The following NFKBIL1 variants were observed in gnomAD, a reference collection of about 807,000 sequenced individuals.
NFKBIL1 encodes the protein NFKB inhibitor like 1, also known as NF-kappa-B inhibitor-like protein 1.
Under a neutral mutation model 45.4 loss-of-function variants are expected in NFKBIL1, and 30 were observed. The observed-to-expected ratio is 0.66, with a 90% CI of 0.49 to 0.90. The LOEUF is 0.90. Ranked by LOEUF, NFKBIL1 falls within the 40% of genes least tolerant of loss-of-function variation. NFKBIL1 has a pLI of 0.00. For synonymous variants in NFKBIL1, 179 were observed against 197.3 expected, an observed-to-expected ratio of 0.91 and a Z score of 0.78; for missense variants, 434 against 513.4, an observed-to-expected ratio of 0.85 and a Z score of 1.49.
intron 2 of NFKBIL1, among the ~76,000 whole-genome samples, chr6:31,551,293 C>G (rs1265020506): frequency 2.6e-5 from 4 of 151,524 alleles, no homozygotes; most frequent in Non-Finnish European, 4.4e-5. Flanking sequence ...CCCAAAGTGC[C>G]GGGACTAGAG....
intron 2 of NFKBIL1, among the ~76,000 whole-genome samples, chr6:31,551,913 C>CAGG (rs1469684294): frequency 7.2e-5 from 11 of 152,128 alleles, no homozygotes; most frequent in African/African-American, 2.7e-4. Flanking sequence ...TCTCCTTCCT[C>CAGG]AGCCTCCTGA....
In NFKBIL1 at chr6:31,557,130, C is replaced by G. The variant is rs1769785033; in HGVS notation, c.335-498C>G. Among the ~76,000 whole-genome samples, 2 of 139,928 alleles carry G rather than the reference C, an allele frequency of 1.4e-5. No individual in the cohort carries two copies. Among genetic ancestry groups the G allele is most frequent in the African/African-American group, 5.4e-5 (2 of 37,138 alleles). The allele number at this position is 139,928 out of a possible 152,430, so 91.8% of individuals were successfully genotyped here. On this transcript the variant is annotated intron_variant, in intron 2 of 3. Coordinates refer to ENST00000376148, the MANE Select transcript of NFKBIL1 (RefSeq NM_005007.4). This position sits in a 1 kb window ranked among gnomAD's most constrained non-coding sequence, Gnocchi z 5.4. ...AATTTTTTTTTTTTTTTTTTTGAGACGGAGTCTTGCTCTGTCACCTAGGCT... is the reference window on the plus strand; with the variant it reads ...AATTTTTTTTTTTTTTTTTTTGAGAGGGAGTCTTGCTCTGTCACCTAGGCT...
chr6:31,554,376 G>A (rs1006013721), intron 2 of NFKBIL1, among the ~76,000 whole-genome samples: 4 of 152,060 alleles, frequency 2.6e-5, no homozygotes, highest in Non-Finnish European at 4.4e-5. Flanking sequence ...TCATGCCACC[G>A]CACTGCAGCC....
In NFKBIL1 at chr6:31,556,637, T is replaced by C. The variant is rs572724001; in HGVS notation, c.335-991T>C. 420 of 455,040 alleles carry C rather than the reference T, an allele frequency of 9.2e-4. 1 individual carries two copies. The highest frequency in any genetic ancestry group is 2.7e-3 in the Admixed American group (114 of 42,492). 28.2% of individuals were successfully genotyped at this position (455,040 alleles called of 1,614,324 possible). A position where few individuals can be genotyped will look rare whatever the true frequency, so the allele number is the denominator to read the frequency against. On this transcript the variant is annotated intron_variant, in intron 2 of 3. Transcript: ENST00000376148. ...TCAGGAACGTCGGTTCCTCTCCTGTTTTCTCTCAGCCCATGGGTGAGACCC... is the reference window on the plus strand; with the variant it reads ...TCAGGAACGTCGGTTCCTCTCCTGTCTTCTCTCAGCCCATGGGTGAGACCC...
At chr6:31,555,893 C>T (rs35597084) in intron 2 of NFKBIL1, among the ~76,000 whole-genome samples, 6,380 of 141,638 alleles carry the variant, frequency 0.045, 239 homozygotes, top group South Asian at 0.17. Context: ...ACCTTGTGAT[C>T]CATTGTCCCC....
intron 1 of NFKBIL1, 78 bp downstream of exon 1, chr6:31,547,829 AT>A: frequency 6.1e-6 from 8 of 1,316,000 alleles, no homozygotes; most frequent in South Asian, 1.3e-5. Flanking sequence ...GCTGATAAAA[AT>A]TTTCCCCATC....
rs948523637 is a variant in NFKBIL1 at position 31,555,903 on chromosome 6, C to G, written c.335-1725C>G. On this transcript the variant is annotated intron_variant, in intron 2 of 3. Transcript: ENST00000376148. The stretch of plus-strand genomic sequence containing the variant: ...TCCTGACCTTGTGATCCATTGTCCC[C>G]CCCCCCCAGCCTCCCAAAGTGCTGG... Among the ~76,000 whole-genome samples the G allele has an allele frequency of 2.7e-4, 40 of 150,662 alleles. 2 individuals carry two copies. The highest frequency in any genetic ancestry group is 2.5e-3 in the South Asian group (12 of 4,716).
At chr6:31,551,502 G>A (rs1214023475) in intron 2 of NFKBIL1, among the ~76,000 whole-genome samples, 1 of 152,188 alleles carries the variant, frequency 6.6e-6, no homozygotes, top group Non-Finnish European at 1.5e-5. Flanking sequence ...TGTCCTCTCT[G>A]GCCTTATTTA....
Position 31,557,785 on chromosome 6 carries a change from A to G in NFKBIL1, c.492A>G (p.Glu164=). The G allele has an allele frequency of 6.2e-7, 1 of 1,612,378 alleles. No homozygotes were observed. Among genetic ancestry groups the G allele is most frequent in the Non-Finnish European group, 8.5e-7 (1 of 1,178,882 alleles). ...EEEDDASKER[E]WRQKLQGELE... ...AAGATGATGCCTCCAAGGAGCGGGA[A>G]TGGAGACAGAAGCTCCAGGGTGAGC... The change falls in exon 3 of 4, where the codon GAA becomes GAG. Residue 164 remains glutamate, a synonymous_variant. Transcript: ENST00000376148. This position sits in a 1 kb window ranked among gnomAD's most constrained non-coding sequence, Gnocchi z 5.4.
upstream of NFKBIL1, among the ~76,000 whole-genome samples, chr6:31,547,195 CT>C (rs3219186): frequency 0.87 from 132,212 of 151,208 alleles, 57,961 homozygotes; most frequent in Middle Eastern, 0.94. Context: ...TGTATTTTTT[CT>C]TTTTTTTTGA....
intron 2 of NFKBIL1, among the ~76,000 whole-genome samples, chr6:31,556,195 T>C (rs1769730255): frequency 6.7e-6 from 1 of 149,872 alleles, no homozygotes; most frequent in African/African-American, 2.5e-5. Flanking sequence ...TGAGAGGGTC[T>C]GTGACAGGTC....
Position 31,557,897 on chromosome 6 carries a change from T to G in NFKBIL1, c.556+48T>G. On this transcript the variant is annotated intron_variant, in intron 3 of 3. Coordinates refer to ENST00000376148, the MANE Select transcript of NFKBIL1 (RefSeq NM_005007.4). The surrounding 1 kb of genome is among the most constrained non-coding windows in gnomAD (Gnocchi z 5.4). ...CAGCTGCCCTTCCCCACTGGCTGCT[T>G]TCCATCTGCATGAATGCGTCACACT... 6.5e-7 allele frequency: 1 copy of G among 1,532,868 alleles called. No homozygotes were observed. Among genetic ancestry groups the G allele is most frequent in the Non-Finnish European group, 8.9e-7 (1 of 1,129,240 alleles). The allele number at this position is 1,532,868 out of a possible 1,614,324, so 95.0% of individuals were successfully genotyped here. A position where few individuals can be genotyped will look rare whatever the true frequency, so the allele number is the denominator to read the frequency against.
At chr6:31,546,886 C>A, upstream of NFKBIL1, 1 of 358,090 alleles carries the variant, frequency 2.8e-6, no homozygotes, top group Non-Finnish European at 5.1e-6. This position sits in a 1 kb window ranked among gnomAD's most constrained non-coding sequence, Gnocchi z 4.1. Context: ...GAGGCAGGGG[C>A]GGAGACGGGG....
rs1769237727 is a variant in NFKBIL1, at chr6:31,548,424, C to T, written c.319C>T (p.Arg107Cys). ...HGDTALHAAARQGPDAYTDFF... is the reference protein window; with the variant it reads ...HGDTALHAAACQGPDAYTDFF... ...GGACACGGCACTGCATGCTGCTGCCCGCCAGGGCCCAGATGGTGAGTCTGC... is the reference window on the plus strand; with the variant it reads ...GGACACGGCACTGCATGCTGCTGCCTGCCAGGGCCCAGATGGTGAGTCTGC... The change falls in exon 2 of 4, where the codon CGC (arginine) becomes TGC (cysteine). Residue 107 changes from arginine to cysteine, a missense_variant. Physicochemically the swap from Arg to Cys is radical, Grantham distance 180 (BLOSUM62 -3). This residue lies in a region of NFKBIL1 where 231 missense variants were observed against 264.1 expected (regional missense o/e 0.87). Coordinates refer to ENST00000376148, the MANE Select transcript of NFKBIL1 (RefSeq NM_005007.4). 2.0e-6 allele frequency: 3 copies of T among 1,507,966 alleles called. No homozygotes were observed. The highest frequency in any genetic ancestry group is 1.4e-5 in the African/African-American group (1 of 72,026). The allele number at this position is 1,507,966 out of a possible 1,614,324, so 93.4% of individuals were successfully genotyped here. A position where few individuals can be genotyped will look rare whatever the true frequency, so the allele number is the denominator to read the frequency against.
rs1186363038 is a variant in NFKBIL1 at position 31,557,920 on chromosome 6, A to G, written c.556+71A>G. ...CTTTCCATCTGCATGAATGCGTCAC[A>G]CTAGGCTCCTCTGCCCCCTCCTCTG... On this transcript the variant is annotated intron_variant, in intron 3 of 3. Transcript: ENST00000376148. This position sits in a 1 kb window ranked among gnomAD's most constrained non-coding sequence, Gnocchi z 5.4. The G allele has an allele frequency of 6.6e-7, 1 of 1,507,534 alleles. No homozygotes were observed. Among genetic ancestry groups the G allele is most frequent in the East Asian group, 2.3e-5 (1 of 43,348 alleles). The allele number at this position is 1,507,534 out of a possible 1,614,324, so 93.4% of individuals were successfully genotyped here.
Position 31,557,106 on chromosome 6 carries a change from ATTTTT to A in NFKBIL1, c.335-507_335-503del, listed in dbSNP as rs9279350. Among the ~76,000 whole-genome samples the A allele has an allele frequency of 1.6e-5, 2 of 124,654 alleles. No individual in the cohort carries two copies. The highest frequency in any genetic ancestry group is 3.4e-5 in the Non-Finnish European group (2 of 59,080). 81.8% of individuals were successfully genotyped at this position (124,654 alleles called of 152,430 possible). A position where few individuals can be genotyped will look rare whatever the true frequency, so the allele number is the denominator to read the frequency against. ...ATAGTTTGTGGAGACACAAGTAAGA[ATTTTT>A]TTTTTTTTTTTTTTGAGACGGAGTC... On this transcript the variant is annotated intron_variant, in intron 2 of 3. Coordinates refer to ENST00000376148, the MANE Select transcript of NFKBIL1 (RefSeq NM_005007.4). This position sits in a 1 kb window ranked among gnomAD's most constrained non-coding sequence, Gnocchi z 5.4.
chr6:31,558,286 C>T lies in NFKBIL1; in HGVS notation c.821C>T (p.Pro274Leu), dbSNP rs1769888025. ...RAQEALGDRE[P>L]KPTRAGPREE... ...CAGGAGGCTCTAGGGGACCGAGAACCCAAGCCAACCAGGGCCGGGCCCAGG... is the reference window on the plus strand; with the variant it reads ...CAGGAGGCTCTAGGGGACCGAGAACTCAAGCCAACCAGGGCCGGGCCCAGG... The change falls in exon 4 of 4, where the codon CCC becomes CTC. Residue 274 changes from proline to leucine, a missense_variant. Physicochemically the swap from Pro to Leu is moderately conservative, Grantham distance 98 (BLOSUM62 -3). This residue lies in a region of NFKBIL1 where 128 missense variants were observed against 106.5 expected (regional missense o/e 1.20). Transcript: ENST00000376148. This position sits in a 1 kb window ranked among gnomAD's most constrained non-coding sequence, Gnocchi z 7.2. The T allele has an allele frequency of 1.9e-6, 3 of 1,583,994 alleles. No homozygotes were observed. The highest frequency in any genetic ancestry group is 2.6e-6 in the Non-Finnish European group (3 of 1,165,092).
chr6:31,555,625 T>C (rs1769688497), intron 2 of NFKBIL1, among the ~76,000 whole-genome samples: 1 of 137,028 alleles, frequency 7.3e-6, no homozygotes, highest in African/African-American at 2.7e-5. Context: ...TTTTTTTTTT[T>C]TTTTTTTTGA....
In NFKBIL1 at chr6:31,548,183, C is replaced by T. The variant is rs1253300399; in HGVS notation, c.78C>T (p.Ser26=). Residue 26 remains serine (S), a synonymous_variant, in exon 2 of 4, where the codon TCC becomes TCT. Transcript: ENST00000376148. ...SVCRPKSSMA[S]TSRRQRRERR... is the part of the protein sequence containing the mutation. ...CCCAGCCCAAGAGTTCCATGGCCTCCACTTCCCGCCGCCAACGCCGAGAAC... is the reference window on the plus strand; with the variant it reads ...CCCAGCCCAAGAGTTCCATGGCCTCTACTTCCCGCCGCCAACGCCGAGAAC... 1 of 1,613,050 alleles carries T rather than the reference C, an allele frequency of 6.2e-7. No individual in the cohort carries two copies. Among genetic ancestry groups the T allele is most frequent in the Non-Finnish European group, 8.5e-7 (1 of 1,180,056 alleles).
Sources: allele counts gnomAD v4.1 joint callset (sites outside exome capture counted in the v4.1 genomes callset), GRCh38; gene constraint gnomAD v4.1.1; regional missense constraint gnomAD v4.1.1; non-coding constraint Gnocchi (gnomAD v3.1); transcripts MANE v1.5; gene names NCBI Gene and HGNC (gene_info 2026-07-23, HGNC 2026-07-21).